EYS: variants seen among roughly 807,000 people sequenced by gnomAD.
The protein encoded by EYS is EGF-like photoreceptor maintenance factor, also known as protein eyes shut homolog.
EYS carries 250 observed loss-of-function variants against 282.1 expected under a neutral mutation model. The observed-to-expected ratio is 0.89, with a 90% CI of 0.80 to 0.98. The LOEUF is 0.98. Among genes scored for constraint, EYS ranks in the 50% least tolerant of loss-of-function variants. EYS has a pLI of 0.00. For missense variants in EYS, 4,016 were observed against 3,709.0 expected, an observed-to-expected ratio of 1.08 and a Z score of -2.15; for synonymous variants, 1,355 against 1,282.9, an observed-to-expected ratio of 1.06 and a Z score of -1.20.
chr6:63,858,678 C>T (rs1352315670), intron 36 of EYS, among the ~76,000 whole-genome samples: 1 of 152,030 alleles, frequency 6.6e-6, no homozygotes, highest in Non-Finnish European at 1.5e-5. Flanking sequence ...TTTAGTATTT[C>T]TTTGTAACAA....
chr6:63,928,704 A>G (rs1386848730), intron 35 of EYS, among the ~76,000 whole-genome samples: 1 of 152,176 alleles, frequency 6.6e-6, no homozygotes, highest in Non-Finnish European at 1.5e-5. Context: ...TCTTCCTGAC[A>G]TTTTAATTCA....
At chr6:64,745,197 T>G (rs1772514918) in intron 22 of EYS, among the ~76,000 whole-genome samples, 1 of 152,194 alleles carries the variant, frequency 6.6e-6, no homozygotes, top group African/African-American at 2.4e-5. Flanking sequence ...GAAAAAACTC[T>G]CTAAGCATCA....
chr6:64,583,415 C>T (rs539118769), intron 26 of EYS, among the ~76,000 whole-genome samples: 1 of 151,604 alleles, frequency 6.6e-6, no homozygotes, highest in African/African-American at 2.4e-5. Flanking sequence ...CCCAAATAAG[C>T]AAGCAGGCAA....
intron 26 of EYS, among the ~76,000 whole-genome samples, chr6:64,531,549 GTTTATTTTATTTTATTTTATTTTAT>G (rs201525645): frequency 2.4e-5 from 3 of 124,142 alleles, no homozygotes; most frequent in African/African-American, 8.7e-5. Context: ...ACCACGCCTG[GTTTATTTTATTTTATTTTATTTTAT>G]TTTATTTTAT....
intron 13 of EYS, among the ~76,000 whole-genome samples, chr6:65,021,734 A>C (rs2150138832): frequency 6.6e-6 from 1 of 152,302 alleles, no homozygotes; most frequent in East Asian, 1.9e-4. Flanking sequence ...GACATAATTG[A>C]GACTGGGGTA....
At chr6:64,236,298 T>A (rs991235541) in intron 30 of EYS, among the ~76,000 whole-genome samples, 1 of 152,208 alleles carries the variant, frequency 6.6e-6, no homozygotes, top group African/African-American at 2.4e-5. Context: ...AGTACTGATA[T>A]GGATCTATCA....
At chr6:64,062,857 A>G (rs1771226074) in intron 33 of EYS, among the ~76,000 whole-genome samples, 1 of 151,758 alleles carries the variant, frequency 6.6e-6, no homozygotes, top group Non-Finnish European at 1.5e-5. Context: ...ACCTCTTTTT[A>G]TACTTCCAAA....
At chr6:65,233,937 C>G (rs944491076) in intron 12 of EYS, among the ~76,000 whole-genome samples, 2 of 152,090 alleles carry the variant, frequency 1.3e-5, no homozygotes, top group African/African-American at 4.8e-5. Flanking sequence ...CCAGCACATG[C>G]ACACAGCCTT....
At chr6:64,739,944 C>G (rs1434127577) in intron 22 of EYS, among the ~76,000 whole-genome samples, 1 of 152,020 alleles carries the variant, frequency 6.6e-6, no homozygotes, top group African/African-American at 2.4e-5. Flanking sequence ...TTGTTACACA[C>G]ATTAGGCTAA....
intron 26 of EYS, among the ~76,000 whole-genome samples, chr6:64,564,150 T>C (rs1054994416): frequency 6.6e-6 from 1 of 151,966 alleles, no homozygotes; most frequent in Admixed American, 6.6e-5. Flanking sequence ...ATGCTGTTTT[T>C]AAGTTTCTGA....
rs376970348 is a variant in EYS, at chr6:65,105,649, T to G, written c.2024-47922A>C. Among the ~76,000 whole-genome samples, 5 of 151,926 alleles carry G rather than the reference T, an allele frequency of 3.3e-5. No individual in the cohort carries two copies. The East Asian group carries it at 5.8e-4, about 18-fold the overall frequency. On this transcript the variant is annotated intron_variant, in intron 12 of 42. Coordinates refer to ENST00000503581, the MANE Select transcript of EYS (RefSeq NM_001142800.2). ...GACCTAATCCTGTCTGTGAAACCAC[T>G]GCGGTGCACTATATAAAGGGCAAGA...
intron 12 of EYS, among the ~76,000 whole-genome samples, chr6:65,263,703 CTG>C (rs3042394): frequency 0.04 from 5,687 of 140,970 alleles, 164 homozygotes; most frequent in African/African-American, 0.077. Context: ...CAAGGCAAAG[CTG>C]TGTGTGTGTG....
At chr6:63,991,400 G>C (rs184048812) in intron 34 of EYS, among the ~76,000 whole-genome samples, 1 of 151,640 alleles carries the variant, frequency 6.6e-6, no homozygotes, top group Admixed American at 6.6e-5. Context: ...TTTAAAAAGA[G>C]ATCTATATGA....
At chr6:65,649,128 A>G (rs1209329153) in intron 1 of EYS, among the ~76,000 whole-genome samples, 2 of 122,640 alleles carry the variant, frequency 1.6e-5, no homozygotes, top group African/African-American at 5.8e-5. Context: ...ACAGAGCGAG[A>G]CTCTGTCTCA....
chr6:63,988,821 A>G (rs1302277879), intron 34 of EYS, among the ~76,000 whole-genome samples: 1 of 151,644 alleles, frequency 6.6e-6, no homozygotes, highest in African/African-American at 2.4e-5. Flanking sequence ...GAGTGAAACG[A>G]ACACTCCTTT....
At chr6:65,508,958 T>C (rs1766764390) in intron 2 of EYS, among the ~76,000 whole-genome samples, 1 of 152,164 alleles carries the variant, frequency 6.6e-6, no homozygotes, top group Non-Finnish European at 1.5e-5. Flanking sequence ...TCTGAAAGTG[T>C]GGGGACCTAC....
intron 12 of EYS, among the ~76,000 whole-genome samples, chr6:65,146,675 C>T (rs1297927815): frequency 6.6e-6 from 1 of 151,898 alleles, no homozygotes; most frequent in African/African-American, 2.4e-5. Flanking sequence ...GTTTCTTTTA[C>T]AAAAACAAAT....
chr6:64,130,815 A>G (rs1225633621), intron 31 of EYS, among the ~76,000 whole-genome samples: 1 of 152,100 alleles, frequency 6.6e-6, no homozygotes, highest in African/African-American at 2.4e-5. Context: ...GATTGTGGGA[A>G]CCAAACAAGC....
In EYS at chr6:64,837,851, G is replaced by A. The variant is rs188138417; in HGVS notation, c.2993-15029C>T. Among the ~76,000 whole-genome samples the A allele has an allele frequency of 4.2e-3, 636 of 151,344 alleles. 6 individuals are homozygous for A. Among genetic ancestry groups the A allele is most frequent in the African/African-American group, 0.014 (593 of 41,412 alleles). On this transcript the variant is annotated intron_variant, in intron 19 of 42. Coordinates refer to ENST00000503581, the MANE Select transcript of EYS (RefSeq NM_001142800.2). ...AAGAATAGACATTGAAGACTAGGAA[G>A]GGTGGGAGAGTGAGAGGAGATTGAG...
Sources: allele counts gnomAD v4.1 joint callset (sites outside exome capture counted in the v4.1 genomes callset), GRCh38; gene constraint gnomAD v4.1.1; transcripts MANE v1.5; gene names NCBI Gene and HGNC (gene_info 2026-07-23, HGNC 2026-07-21).